The following CSDC2 variants were observed in gnomAD, a reference collection of about 807,000 sequenced individuals.
The protein encoded by CSDC2 is cold shock domain containing C2, also known as cold shock domain-containing protein C2.
Under a neutral mutation model 15.8 loss-of-function variants are expected in CSDC2, and 8 were observed. The ratio of observed to expected loss-of-function variants is 0.51; its 90% confidence interval spans 0.30 to 0.92. The LOEUF (loss-of-function observed/expected upper bound fraction) is 0.92. CSDC2 is among the 40% of genes least tolerant of loss of function. CSDC2 has a pLI of 0.07. For missense variants in CSDC2, 195 were observed against 213.3 expected, an observed-to-expected ratio of 0.91 and a Z score of 0.53; for synonymous variants, 96 against 92.3, an observed-to-expected ratio of 1.04 and a Z score of -0.23.
At position 41,574,851 on chromosome 22, in the gene CSDC2, C is replaced by CA; in HGVS notation, c.419dup (p.His140GlnfsTer17). On this transcript the variant is annotated frameshift_variant, in exon 4 of 4. Transcript: ENST00000306149. LOFTEE classifies it high-confidence loss of function. ...GGTGGTGCTCACTCAGCTGGCCCCC[C>CA]ACACTCCCCACGAGACGTGGTCTGG... 1 of 1,610,356 alleles carries CA rather than the reference C, an allele frequency of 6.2e-7. No individual in the cohort carries two copies. The highest frequency in any genetic ancestry group is 8.5e-7 in the Non-Finnish European group (1 of 1,178,618).
At chr22:41,564,188 CA>C (rs1380299777) in intron 1 of CSDC2, among the ~76,000 whole-genome samples, 1 of 151,940 alleles carries the variant, frequency 6.6e-6, no homozygotes, top group Non-Finnish European at 1.5e-5. Flanking sequence ...AAGGGCTTGG[CA>C]CATGGTCAGT....
rs568083450 is a variant in CSDC2 at position 41,562,190 on chromosome 22, G to A, written c.-124+1007G>A. On this transcript the variant is annotated intron_variant, in intron 1 of 3. Transcript: ENST00000306149. ...GCATCATGCTGCCTGGCTGTGATCC[G>A]GCAGGGGCCTCTCCCTGGGAAAGGG... 1.2e-4 allele frequency among the ~76,000 whole-genome samples: 19 copies of A among 152,146 alleles called. No individual in the cohort carries two copies. In the South Asian group the frequency reaches 1.5e-3, roughly 12 times the overall value.
At chr22:41,567,939 G>C (rs528590733) in intron 1 of CSDC2, among the ~76,000 whole-genome samples, 1 of 152,236 alleles carries the variant, frequency 6.6e-6, no homozygotes, top group Admixed American at 6.5e-5. Context: ...TGGTGGGCTT[G>C]GCCCAGCTCG....
At chr22:41,570,239 A>AAG (rs1269250513) in intron 1 of CSDC2, among the ~76,000 whole-genome samples, 1 of 152,190 alleles carries the variant, frequency 6.6e-6, no homozygotes, top group Non-Finnish European at 1.5e-5. Context: ...GAGGCAAGCC[A>AAG]AGCCCGGGGC....
intron 3 of CSDC2, among the ~76,000 whole-genome samples, 188 bp downstream of exon 3, chr22:41,573,965 G>A (rs56301233): frequency 6.6e-6 from 1 of 152,256 alleles, no homozygotes; most frequent in African/African-American, 2.4e-5. Context: ...GAGTGGGCAC[G>A]CAGACCCCAG....
At chr22:41,562,040 G>A (rs2067088728) in intron 1 of CSDC2, among the ~76,000 whole-genome samples, 1 of 152,220 alleles carries the variant, frequency 6.6e-6, no homozygotes, top group South Asian at 2.1e-4. Flanking sequence ...CCCAGGGAGA[G>A]GGGAGGGGGA....
At chr22:41,572,237 CA>C (rs2067148618) in intron 2 of CSDC2, 96 bp downstream of exon 2, 2 of 1,088,406 alleles carry the variant, frequency 1.8e-6, no homozygotes, top group African/African-American at 3.3e-5. Flanking sequence ...TCACCTGGGA[CA>C]GGGGAACTGT....
At chr22:41,564,677 C>T (rs1319878955) in intron 1 of CSDC2, among the ~76,000 whole-genome samples, 2 of 152,192 alleles carry the variant, frequency 1.3e-5, no homozygotes, top group African/African-American at 4.8e-5. Flanking sequence ...ATTTCATTTA[C>T]ATATGTGTTT....
chr22:41,570,745 C>G (rs1161942797), intron 1 of CSDC2, among the ~76,000 whole-genome samples: 5 of 150,368 alleles, frequency 3.3e-5, no homozygotes, highest in African/African-American at 4.9e-5. Flanking sequence ...TCACTTGAAC[C>G]TGGGAGGCAG....
intron 1 of CSDC2, among the ~76,000 whole-genome samples, chr22:41,562,523 A>C (rs2067092534): frequency 6.6e-6 from 1 of 151,756 alleles, no homozygotes; most frequent in African/African-American, 2.4e-5. Context: ...ATGGCTAGGC[A>C]ATGTTCACGG....
At position 41,576,207 on chromosome 22, in the gene CSDC2, C is replaced by T. The variant is rs1348035178; in HGVS notation, c.*1312C>T. 6.6e-6 allele frequency: 1 copy of T among 152,272 alleles called. No homozygotes were observed. The highest frequency in any genetic ancestry group is 1.5e-5 in the Non-Finnish European group (1 of 68,096). The allele number at this position is 152,272 out of a possible 1,614,324, so 9.4% of individuals were successfully genotyped here. A position where few individuals can be genotyped will look rare whatever the true frequency, so the allele number is the denominator to read the frequency against. ...ATGCCCAGGATGAGGGGATCAGTGA[C>T]TGTCTAGGAGGATCCCTTGCCTTGT... On this transcript the variant is annotated 3_prime_UTR_variant, in exon 4 of 4. Transcript: ENST00000306149.
At chr22:41,572,793 G>A (rs1217035210) in intron 2 of CSDC2, among the ~76,000 whole-genome samples, 11 of 152,206 alleles carry the variant, frequency 7.2e-5, no homozygotes, top group Non-Finnish European at 1.2e-4. Context: ...GTAGGTAGGC[G>A]GGACAAAGAC....
At chr22:41,574,221 A>G (rs772232127) in intron 3 of CSDC2, among the ~76,000 whole-genome samples, 1 of 152,246 alleles carries the variant, frequency 6.6e-6, no homozygotes, top group Admixed American at 6.5e-5. Context: ...CTCGGTCCCC[A>G]AGGGACCCAG....
At chr22:41,569,343 TCA>T (rs1327719131) in intron 1 of CSDC2, among the ~76,000 whole-genome samples, 3 of 152,226 alleles carry the variant, frequency 2.0e-5, no homozygotes, top group Non-Finnish European at 4.4e-5. Flanking sequence ...TTTAGTACAT[TCA>T]CAGAGTTGTG....
intron 2 of CSDC2, among the ~76,000 whole-genome samples, chr22:41,573,119 TG>T (rs2067156737): frequency 6.6e-6 from 1 of 151,940 alleles, no homozygotes; most frequent in African/African-American, 2.4e-5. Flanking sequence ...TCGAGACAGG[TG>T]GATCAGTTAA....
chr22:41,563,320 C>T (rs1237155317), intron 1 of CSDC2, among the ~76,000 whole-genome samples: 2 of 151,932 alleles, frequency 1.3e-5, no homozygotes, highest in Admixed American at 1.3e-4. Flanking sequence ...AGCTCCTGCC[C>T]GGGGGTCCTG....
chr22:41,565,317 G>A (rs1239046483), intron 1 of CSDC2, among the ~76,000 whole-genome samples: 1 of 151,172 alleles, frequency 6.6e-6, no homozygotes, highest in African/African-American at 2.4e-5. Context: ...GGGTGTGGTG[G>A]TGCACGCCTG....
intron 1 of CSDC2, among the ~76,000 whole-genome samples, chr22:41,570,897 G>A (rs960653017): frequency 2.0e-5 from 3 of 151,360 alleles, no homozygotes; most frequent in Non-Finnish European, 4.4e-5. Flanking sequence ...AGGCTGAGGT[G>A]GGAGGATCGC....
chr22:41,571,732 G>T, intron 1 of CSDC2, 111 bp from the exon 2 acceptor site: 94 of 345,798 alleles, frequency 2.7e-4, no homozygotes, highest in Non-Finnish European at 2.9e-4. Context: ...TTTGTGACTT[G>T]AAGTAACGCC....
Sources: gnomAD v4.1 joint callset for allele counts (sites outside exome capture counted in the v4.1 genomes callset) on GRCh38, gnomAD v4.1.1 for gene constraint, MANE v1.5 for transcripts, NCBI Gene and HGNC (gene_info 2026-07-23, HGNC 2026-07-21) for gene names.